The following LIPH variants were observed in gnomAD, a reference collection of about 807,000 sequenced individuals.
LIPH encodes lipase H, also known as lipase member H.
In LIPH, 32 loss-of-function variants were observed where a neutral mutation model predicts 47.6. The ratio of observed to expected loss-of-function variants is 0.67; its 90% CI spans 0.51 to 0.90. LIPH has a LOEUF of 0.90. Ranked by LOEUF, LIPH falls within the 40% of genes least tolerant of loss-of-function variation. LIPH has a pLI of 0.00. For missense variants in LIPH, 497 were observed against 541.4 expected, an observed-to-expected ratio of 0.92 and a Z score of 0.81; for synonymous variants, 190 against 195.6, an observed-to-expected ratio of 0.97 and a Z score of 0.24.
In LIPH at chr3:185,533,268, CTGTT is replaced by C. The variant is rs567220108; in HGVS notation, c.526+299_526+302del. 5.0e-3 allele frequency among the ~76,000 whole-genome samples: 755 copies of C among 152,286 alleles called. 3 individuals are homozygous for C. The highest frequency in any genetic ancestry group is 8.7e-3 in the Non-Finnish European group (595 of 68,022). ...GATTAAATAAAAGGAAGAGGACTAA[CTGTT>C]TGCGGCACACAGATTTGAATGGGAC... On this transcript the variant is annotated intron_variant, in intron 3 of 9. Transcript: ENST00000296252.
At chr3:185,547,925 G>T (rs1160498111) in intron 1 of LIPH, among the ~76,000 whole-genome samples, 1 of 152,134 alleles carries the variant, frequency 6.6e-6, no homozygotes. Flanking sequence ...CTTGGCAATG[G>T]ATGTTACTGT....
Position 185,535,078 on chromosome 3 carries a change from A to C in LIPH, c.104T>G (p.Val35Gly), listed in dbSNP as rs1390883231. The C allele has an allele frequency of 6.2e-7, 1 of 1,614,136 alleles. No individual in the cohort carries two copies. The highest frequency in any genetic ancestry group is 1.1e-5 in the South Asian group (1 of 91,080). ...FTRLSFHSAVVGTGLNVRLML... is the reference protein window; with the variant it reads ...FTRLSFHSAVGGTGLNVRLML... ...CAGCCTCACATTTAGTCCCGTACCA[A>C]CCACTGCACTGTGAAAGCTCAGCCT... The change falls in exon 2 of 10, where the codon GTT (valine) becomes GGT (glycine). Residue 35 changes from valine (V) to glycine (G), a missense_variant. Coordinates refer to ENST00000296252, the MANE Select transcript of LIPH (RefSeq NM_139248.3).
intron 5 of LIPH, among the ~76,000 whole-genome samples, chr3:185,523,197 C>T (rs1041325052): frequency 4.6e-5 from 7 of 152,180 alleles, no homozygotes; most frequent in African/African-American, 1.7e-4. Flanking sequence ...GAGCAATTTC[C>T]AGGTGTGGAA....
intron 3 of LIPH, 60 bp downstream of exon 3, chr3:185,533,511 T>A (rs776655503): frequency 5.5e-6 from 6 of 1,088,486 alleles, no homozygotes; most frequent in Non-Finnish European, 8.6e-6. Context: ...GCCTACATAA[T>A]ACTCCCCCAG....
chr3:185,518,815 G>A (rs1719811128), intron 6 of LIPH, among the ~76,000 whole-genome samples: 1 of 151,886 alleles, frequency 6.6e-6, no homozygotes, highest in South Asian at 2.1e-4. Context: ...TCAACCTCCT[G>A]GGCTCAAGTG....
At position 185,552,572 on chromosome 3, in the gene LIPH, C is replaced by T. The variant is rs958999280; in HGVS notation, c.-101G>A. 1.4e-5 allele frequency: 12 copies of T among 835,424 alleles called. No individual in the cohort carries two copies. The highest frequency in any genetic ancestry group is 2.3e-5 in the Non-Finnish European group (11 of 478,514). 51.8% of individuals were successfully genotyped at this position (835,424 alleles called of 1,614,324 possible). A position where few individuals can be genotyped will look rare whatever the true frequency, so the allele number is the denominator to read the frequency against. The stretch of plus-strand genomic sequence containing the variant: ...GGATTTTGCTCACAGTGAGCTCAGA[C>T]GACTCAGAGGTGTGGTGACAACAGG... On this transcript the variant is annotated 5_prime_UTR_variant, in exon 1 of 10. Coordinates refer to ENST00000296252, the MANE Select transcript of LIPH (RefSeq NM_139248.3).
Position 185,508,772 on chromosome 3 carries a change from CAT to C in LIPH, c.*16_*17del. The C allele has an allele frequency of 6.4e-7, 1 of 1,550,968 alleles. No individual in the cohort carries two copies. The highest frequency in any genetic ancestry group is 1.7e-5 in the Admixed American group (1 of 59,936). Reference sequence around the variant, plus strand: ...TAGCTTTCTTTCTATTATTTATGGCCATGTGTCCTGGCAACAGTTACAACTGC... The same window carrying C: ...TAGCTTTCTTTCTATTATTTATGGCCGTGTCCTGGCAACAGTTACAACTGC... On this transcript the variant is annotated 3_prime_UTR_variant, in exon 10 of 10. Coordinates refer to ENST00000296252, the MANE Select transcript of LIPH (RefSeq NM_139248.3).
At chr3:185,532,704 C>T (rs917786869) in intron 3 of LIPH, among the ~76,000 whole-genome samples, 2 of 152,168 alleles carry the variant, frequency 1.3e-5, no homozygotes, top group South Asian at 2.1e-4. Context: ...GCAGGAGAAT[C>T]GCTTGAACCC....
At chr3:185,519,525 G>A (rs1011081063) in intron 5 of LIPH, among the ~76,000 whole-genome samples, 2 of 151,996 alleles carry the variant, frequency 1.3e-5, no homozygotes, top group African/African-American at 4.8e-5. Flanking sequence ...GCAAGAATTA[G>A]AGCAAATATG....
chr3:185,511,557 C>T lies in LIPH; in HGVS notation c.1235G>A (p.Arg412Gln), dbSNP rs764688539. The T allele has an allele frequency of 2.6e-5, 42 of 1,613,988 alleles. No individual in the cohort carries two copies. The highest frequency in any genetic ancestry group is 5.5e-5 in the South Asian group (5 of 91,082). Reference sequence around the variant, plus strand: ...ATGGGCAAGGGACCTTAACTTCATTCGGAGAATCCTGAGCTTGTACCTTGG... The same window carrying T: ...ATGGGCAAGGGACCTTAACTTCATTTGGAGAATCCTGAGCTTGTACCTTGG... Reference protein sequence around the residue: ...IGPRYKLRILRMKLRSLAHPE... With the variant: ...IGPRYKLRILQMKLRSLAHPE... The change falls in exon 9 of 10, where the codon CGA (arginine) becomes CAA (glutamine). Residue 412 changes from arginine (R) to glutamine (Q), a missense_variant. Coordinates refer to ENST00000296252, the MANE Select transcript of LIPH (RefSeq NM_139248.3).
At position 185,533,683 on chromosome 3, in the gene LIPH, G is replaced by C. The variant is rs1228513082; in HGVS notation, c.418-4C>G. 1.3e-6 allele frequency: 2 copies of C among 1,581,064 alleles called. No individual in the cohort carries two copies. Among genetic ancestry groups the C allele is most frequent in the Non-Finnish European group, 1.7e-6 (2 of 1,149,752 alleles). On this transcript the variant is annotated splice_polypyrimidine_tract_variant and splice_region_variant and intron_variant, in intron 2 of 9. Coordinates refer to ENST00000296252, the MANE Select transcript of LIPH (RefSeq NM_139248.3). ...CATCAAGAGAAGCTCCTTCTGCCTG[G>C]AATTTCAAGAGGTCCATCATTGTAA... is the stretch of plus-strand genomic sequence containing the variant.
At chr3:185,545,132 G>C (rs1319466253) in intron 1 of LIPH, among the ~76,000 whole-genome samples, 3 of 152,120 alleles carry the variant, frequency 2.0e-5, no homozygotes, top group Non-Finnish European at 2.9e-5. Flanking sequence ...TTCTATTTGA[G>C]TTTATCTGAA....
chr3:185,529,523 C>T (rs1207379489), intron 3 of LIPH, among the ~76,000 whole-genome samples: 4 of 150,332 alleles, frequency 2.7e-5, no homozygotes, highest in African/African-American at 7.3e-5. Flanking sequence ...AGCAGTCCTC[C>T]CGCCTCAGTT....
intron 8 of LIPH, among the ~76,000 whole-genome samples, chr3:185,513,266 G>A (rs1409813353): frequency 6.6e-6 from 1 of 151,576 alleles, no homozygotes; most frequent in Non-Finnish European, 1.5e-5. Flanking sequence ...CTTGAACCTA[G>A]GAGGTGGAGC....
intron 1 of LIPH, among the ~76,000 whole-genome samples, chr3:185,542,545 G>A (rs1197213967): frequency 3.9e-5 from 6 of 151,944 alleles, no homozygotes; most frequent in African/African-American, 1.2e-4. Flanking sequence ...TCGAACTCCT[G>A]ACCTCAGGTG....
At chr3:185,529,644 G>A (rs1720248181) in intron 3 of LIPH, among the ~76,000 whole-genome samples, 1 of 151,200 alleles carries the variant, frequency 6.6e-6, no homozygotes, top group Admixed American at 6.6e-5. Flanking sequence ...TAATCCTAGA[G>A]TTTGGGAGGC....
chr3:185,541,946 A>G (rs1720727170), intron 1 of LIPH, among the ~76,000 whole-genome samples: 1 of 150,416 alleles, frequency 6.6e-6, no homozygotes, highest in Admixed American at 6.6e-5. Context: ...TAGTAGAGAC[A>G]GGTTTTCGCC....
At chr3:185,523,987 G>T in intron 5 of LIPH, 84 bp downstream of exon 5, 1 of 933,296 alleles carries the variant, frequency 1.1e-6, no homozygotes, top group Non-Finnish European at 1.8e-6. Flanking sequence ...CTCCCAAAGT[G>T]CTGGGATTAC....
At position 185,526,691 on chromosome 3, in the gene LIPH, A is replaced by ATAATATAATATAATATAATATAAT. The variant is rs1560163035; in HGVS notation, c.628+792_628+793insATTATATTATATTATATTATATTA. On this transcript the variant is annotated intron_variant, in intron 4 of 9. Transcript: ENST00000296252. ...TATAATATAATATAATATAATATAAAATAAATAAAATAAAATAAATAAAAT... is the reference window on the plus strand; with the variant it reads ...TATAATATAATATAATATAATATAAATAATATAATATAATATAATATAATATAAATAAAATAAAATAAATAAAAT... 3.7e-3 allele frequency among the ~76,000 whole-genome samples: 121 copies of ATAATATAATATAATATAATATAAT among 32,730 alleles called. 1 individual carries two copies. The highest frequency in any genetic ancestry group is 9.1e-3 in the African/African-American group (109 of 11,930). The allele number at this position is 32,730 out of a possible 152,430, so 21.5% of individuals were successfully genotyped here. A position where few individuals can be genotyped will look rare whatever the true frequency, so the allele number is the denominator to read the frequency against.
Sources: gnomAD v4.1 joint callset for allele counts (sites outside exome capture counted in the v4.1 genomes callset) on GRCh38, gnomAD v4.1.1 for gene constraint, MANE v1.5 for transcripts, NCBI Gene and HGNC (gene_info 2026-07-23, HGNC 2026-07-21) for gene names.